GALNT7: variants seen among roughly 807,000 people sequenced by gnomAD.
GALNT7 encodes polypeptide N-acetylgalactosaminyltransferase 7, also known as N-acetylgalactosaminyltransferase 7.
A neutral mutation model predicts 82.1 loss-of-function variants in GALNT7; 60 were observed. The observed-to-expected ratio is 0.73, with a 90% confidence interval of 0.59 to 0.91. GALNT7 has a LOEUF of 0.91. GALNT7 is among the 40% of genes least tolerant of loss of function. The pLI, the probability that GALNT7 is intolerant of heterozygous loss-of-function variation, is 0.00. For synonymous variants in GALNT7, 243 were observed against 275.1 expected (o/e 0.88, Z 1.15); for missense variants, 660 against 804.2 (o/e 0.82, Z 2.17).
chr4:173,225,528 G>A (rs965897970), intron 1 of GALNT7, among the ~76,000 whole-genome samples: 1 of 151,986 alleles, frequency 6.6e-6, no homozygotes, highest in Non-Finnish European at 1.5e-5. Flanking sequence ...TTTAATAATG[G>A]CCTAGCATTT....
At chr4:173,265,587 ATC>A (rs59676800) in intron 2 of GALNT7, among the ~76,000 whole-genome samples, 6,007 of 117,586 alleles carry the variant, frequency 0.051, 146 homozygotes, top group Non-Finnish European at 0.059. Flanking sequence ...TGGCGTAAGC[ATC>A]TCTCTCTCTC....
intron 2 of GALNT7, among the ~76,000 whole-genome samples, chr4:173,253,818 G>A (rs370464353): frequency 6.6e-6 from 1 of 152,294 alleles, no homozygotes; most frequent in East Asian, 1.9e-4. Context: ...AGGATAAGGA[G>A]CCTGTTTATG....
At chr4:173,313,069 A>AT (rs889387519) in intron 8 of GALNT7, among the ~76,000 whole-genome samples, 28 of 151,288 alleles carry the variant, frequency 1.9e-4, no homozygotes, top group East Asian at 5.8e-4. Flanking sequence ...AAAAATATAT[A>AT]TTTTTTTTAA....
At chr4:173,184,018 C>T (rs927818126) in intron 1 of GALNT7, among the ~76,000 whole-genome samples, 3 of 149,016 alleles carry the variant, frequency 2.0e-5, no homozygotes, top group Admixed American at 6.7e-5. Flanking sequence ...GGGGCAGAGG[C>T]GCTCCCCACA....
intron 1 of GALNT7, among the ~76,000 whole-genome samples, chr4:173,230,953 A>G (rs1734011907): frequency 6.6e-6 from 1 of 152,210 alleles, no homozygotes; most frequent in Non-Finnish European, 1.5e-5. Flanking sequence ...ATTGTGAATA[A>G]TTTAGTTTTC....
Position 173,248,328 on chromosome 4 carries a change from G to C in GALNT7, c.475G>C (p.Gly159Arg). 1 of 1,613,756 alleles carries C rather than the reference G, an allele frequency of 6.2e-7. No homozygotes were observed. The highest frequency in any genetic ancestry group is 1.7e-4 in the Middle Eastern group (1 of 6,058). ...AGAGAAAGCCAAGCCATTGGTTTTG[G>C]GACCAGAATTCAAACAAGCAATTCA... is the stretch of plus-strand genomic sequence containing the variant. Reference protein sequence around the residue: ...PGEKAKPLVLGPEFKQAIQAS... With the variant: ...PGEKAKPLVLRPEFKQAIQAS... Residue 159 changes from glycine to arginine, a missense_variant, in exon 2 of 12, where the codon GGA (glycine) becomes CGA (arginine). Coordinates refer to ENST00000265000, the MANE Select transcript of GALNT7 (RefSeq NM_017423.3).
chr4:173,247,936 T>C (rs1227702384), intron 1 of GALNT7, 44 bp from the exon 2 acceptor site: 5 of 1,299,394 alleles, frequency 3.8e-6, no homozygotes, highest in Non-Finnish European at 5.4e-6. Flanking sequence ...ACTGTGGTGG[T>C]TTGCCTTCAT....
rs541915953 is a variant in GALNT7 at position 173,272,445 on chromosome 4, T to C, written c.588-19663T>C. Among the ~76,000 whole-genome samples, 26 of 152,346 alleles carry C rather than the reference T, an allele frequency of 1.7e-4. No homozygotes were observed. In the South Asian group the frequency reaches 4.8e-3, roughly 28 times the overall value. ...AATTTTGGTTTGAGATTTTCTGGCA[T>C]CTGCCTCTTTCAGAGTGAGAATTAA... On this transcript the variant is annotated intron_variant, in intron 2 of 11. Coordinates refer to ENST00000265000, the MANE Select transcript of GALNT7 (RefSeq NM_017423.3).
chr4:173,201,004 A>G (rs576029845), intron 1 of GALNT7, among the ~76,000 whole-genome samples: 12 of 152,192 alleles, frequency 7.9e-5, no homozygotes, highest in South Asian at 4.1e-4. Context: ...CTTGCAGTCA[A>G]CCTTCAAGAT....
At chr4:173,311,433 G>C (rs939630893) in intron 8 of GALNT7, among the ~76,000 whole-genome samples, 13 of 152,174 alleles carry the variant, frequency 8.5e-5, no homozygotes, top group African/African-American at 3.1e-4. Flanking sequence ...GGTTTAATTG[G>C]CTCACAGTTC....
At chr4:173,203,095 T>C (rs1177804640) in intron 1 of GALNT7, among the ~76,000 whole-genome samples, 1 of 152,068 alleles carries the variant, frequency 6.6e-6, no homozygotes, top group Admixed American at 6.6e-5. Context: ...CAGCAATAGT[T>C]AGGTCTTGTT....
chr4:173,257,998 G>A (rs1241160027), intron 2 of GALNT7, among the ~76,000 whole-genome samples: 1 of 152,204 alleles, frequency 6.6e-6, no homozygotes, highest in Non-Finnish European at 1.5e-5. Flanking sequence ...ATCCAAGGAA[G>A]ATATTTAAGG....
chr4:173,280,371 G>A (rs1736068193), intron 2 of GALNT7, among the ~76,000 whole-genome samples: 1 of 152,170 alleles, frequency 6.6e-6, no homozygotes, highest in Non-Finnish European at 1.5e-5. Context: ...AAACATAGCT[G>A]ATACAGAGAA....
chr4:173,274,304 ATAGT>A (rs1735825639), intron 2 of GALNT7, among the ~76,000 whole-genome samples: 1 of 152,184 alleles, frequency 6.6e-6, no homozygotes, highest in South Asian at 2.1e-4. Context: ...TTTCCATAAC[ATAGT>A]TAGTATCCTC....
intron 1 of GALNT7, among the ~76,000 whole-genome samples, chr4:173,215,234 T>TC (rs1253438791): frequency 8.9e-5 from 13 of 146,120 alleles, no homozygotes; most frequent in East Asian, 3.9e-4. Flanking sequence ...TTCTTCTTCT[T>TC]TTTTTTTTTT....
At chr4:173,186,099 A>G (rs1412625622) in intron 1 of GALNT7, among the ~76,000 whole-genome samples, 1 of 152,224 alleles carries the variant, frequency 6.6e-6, no homozygotes, top group Admixed American at 6.5e-5. Flanking sequence ...GCTTAAGCCA[A>G]TCATTTGTCA....
At chr4:173,199,523 T>C (rs1732877774) in intron 1 of GALNT7, among the ~76,000 whole-genome samples, 1 of 152,222 alleles carries the variant, frequency 6.6e-6, no homozygotes, top group Non-Finnish European at 1.5e-5. Flanking sequence ...CACTGTAATC[T>C]TTTAGTGCCA....
intron 5 of GALNT7, chr4:173,297,877 G>A (rs1736778028): frequency 2.0e-6 from 3 of 1,507,248 alleles, no homozygotes; most frequent in Non-Finnish European, 2.6e-6. Flanking sequence ...GGATGAAGAT[G>A]GTTTTGCCAG....
At chr4:173,220,825 G>A (rs1313003465) in intron 1 of GALNT7, among the ~76,000 whole-genome samples, 5 of 152,100 alleles carry the variant, frequency 3.3e-5, no homozygotes, top group Admixed American at 6.6e-5. Flanking sequence ...TACAAAGGAC[G>A]TGAACTCATC....
Sources: gnomAD v4.1 joint callset for allele counts (sites outside exome capture counted in the v4.1 genomes callset) on GRCh38, gnomAD v4.1.1 for gene constraint, MANE v1.5 for transcripts, NCBI Gene and HGNC (gene_info 2026-07-23, HGNC 2026-07-21) for gene names.